ULK4: variants seen among roughly 807,000 people sequenced by gnomAD.
The protein encoded by ULK4 is inactive serine/threonine-protein kinase ULK4.
In ULK4, 133 loss-of-function variants were observed where a neutral mutation model predicts 160.6. That is an observed-to-expected ratio of 0.83 (90% confidence interval 0.72 to 0.96). The LOEUF (loss-of-function observed/expected upper bound fraction) is 0.96. Among genes scored for constraint, ULK4 ranks in the 40% least tolerant of loss-of-function variants. ULK4 has a pLI of 0.00. For missense variants in ULK4, 1,580 were observed against 1,499.5 expected, an observed-to-expected ratio of 1.05 and a Z score of -0.89; for synonymous variants, 534 against 539.8, an observed-to-expected ratio of 0.99 and a Z score of 0.15.
intron 35 of ULK4, among the ~76,000 whole-genome samples, chr3:41,333,568 T>G (rs1022389624): frequency 6.6e-6 from 1 of 152,170 alleles, no homozygotes; most frequent in South Asian, 2.1e-4. Context: ...ATCTTGCACA[T>G]CTTACCTAAG....
intron 19 of ULK4, among the ~76,000 whole-genome samples, chr3:41,808,236 T>C (rs2040711675): frequency 6.6e-6 from 1 of 152,316 alleles, no homozygotes. Flanking sequence ...TCTAAAATCT[T>C]TTTCCTGACT....
At position 41,918,481 on chromosome 3, in the gene ULK4, C is replaced by A. The variant is rs1450102800; in HGVS notation, c.703G>T (p.Asp235Tyr). ...CCTTTCGGAATAGGTGGCAAAGGATCTTCACATAAGATCTTTTCAGTTAAT... is the reference window on the plus strand; with the variant it reads ...CCTTTCGGAATAGGTGGCAAAGGATATTCACATAAGATCTTTTCAGTTAAT... Reference protein sequence around the residue: ...SELTEKILCEDPLPPIPKDSS... With the variant: ...SELTEKILCEYPLPPIPKDSS... The change falls in exon 7 of 37, where the codon GAT (aspartate) becomes TAT (tyrosine). Residue 235 changes from aspartate to tyrosine, a missense_variant. Asp to Tyr is a radical substitution (Grantham distance 160). Coordinates refer to ENST00000301831, the MANE Select transcript of ULK4 (RefSeq NM_017886.4). 7.0e-6 allele frequency: 11 copies of A among 1,581,224 alleles called. No individual in the cohort carries two copies. The highest frequency in any genetic ancestry group is 1.4e-5 in the African/African-American group (1 of 73,608).
At chr3:41,565,789 C>T (rs771160248) in intron 32 of ULK4, among the ~76,000 whole-genome samples, 8 of 152,106 alleles carry the variant, frequency 5.3e-5, no homozygotes, top group Non-Finnish European at 1.0e-4. Context: ...ATGATTACAC[C>T]TCTATTTCTT....
At chr3:41,590,461 C>CAAAAAAAAAAAAAAAAAAAAAA (rs71075479) in intron 31 of ULK4, among the ~76,000 whole-genome samples, 1 of 56,914 alleles carries the variant, frequency 1.8e-5, no homozygotes. Flanking sequence ...ACTAAAAATA[C>CAAAAAAAAAAAAAAAAAAAAAA]AAAAAAAAAA....
intron 29 of ULK4, among the ~76,000 whole-genome samples, chr3:41,680,980 T>C (rs1191185628): frequency 6.6e-6 from 1 of 152,252 alleles, no homozygotes; most frequent in Non-Finnish European, 1.5e-5. Context: ...TGCTGTGTGT[T>C]TGCTTTATGA....
At chr3:41,916,341 C>T (rs1698964162) in intron 7 of ULK4, among the ~76,000 whole-genome samples, 1 of 152,162 alleles carries the variant, frequency 6.6e-6, no homozygotes, top group Admixed American at 6.5e-5. Context: ...ACTGAACAAT[C>T]CCAATAAGGA....
At chr3:41,370,056 C>T (rs7615954) in intron 35 of ULK4, among the ~76,000 whole-genome samples, 5,510 of 151,970 alleles carry the variant, frequency 0.036, 273 homozygotes, top group East Asian at 0.19. Context: ...TGCTAAGCAA[C>T]GTCACAACGT....
chr3:41,747,371 A>G (rs2038454394), intron 22 of ULK4, among the ~76,000 whole-genome samples: 1 of 151,900 alleles, frequency 6.6e-6, no homozygotes, highest in African/African-American at 2.4e-5. Context: ...AGTCTCTGAT[A>G]ACTTCCTCGC....
chr3:41,469,727 A>G (rs1030061985), intron 32 of ULK4, among the ~76,000 whole-genome samples: 3 of 151,346 alleles, frequency 2.0e-5, no homozygotes, highest in Admixed American at 2.0e-4. Context: ...GATATATCCA[A>G]AAGAAACTAA....
At chr3:41,381,783 C>T (rs980376209) in intron 35 of ULK4, among the ~76,000 whole-genome samples, 37 of 152,280 alleles carry the variant, frequency 2.4e-4, no homozygotes, top group African/African-American at 8.9e-4. Context: ...TCAAAACCCT[C>T]CAAAGGCTTC....
chr3:41,514,946 T>C (rs2085701177), intron 32 of ULK4, among the ~76,000 whole-genome samples: 1 of 152,176 alleles, frequency 6.6e-6, no homozygotes, highest in Non-Finnish European at 1.5e-5. Context: ...TTACCTTTTC[T>C]ATGAGTCACT....
At chr3:41,777,187 T>A (rs1376538261) in intron 21 of ULK4, among the ~76,000 whole-genome samples, 2 of 91,788 alleles carry the variant, frequency 2.2e-5, no homozygotes, top group East Asian at 5.3e-4. Flanking sequence ...CCATTTCTTC[T>A]AGATTTTCTA....
At chr3:41,564,974 A>G (rs1208584851) in intron 32 of ULK4, among the ~76,000 whole-genome samples, 1 of 152,110 alleles carries the variant, frequency 6.6e-6, no homozygotes, top group African/African-American at 2.4e-5. Flanking sequence ...TGTTTGCCAC[A>G]CCTCTTCTAT....
At chr3:41,454,183 A>G (rs1289892724) in intron 34 of ULK4, among the ~76,000 whole-genome samples, 3 of 150,754 alleles carry the variant, frequency 2.0e-5, no homozygotes, top group Non-Finnish European at 4.4e-5. Flanking sequence ...TAATTAAAAA[A>G]AAAAAAAGAA....
intron 32 of ULK4, among the ~76,000 whole-genome samples, chr3:41,514,663 G>C (rs1340152267): frequency 6.6e-6 from 1 of 152,120 alleles, no homozygotes; most frequent in African/African-American, 2.4e-5. Context: ...TATCCTGAGT[G>C]AAACAAGCCA....
At chr3:41,848,591 C>T (rs189852013) in intron 17 of ULK4, among the ~76,000 whole-genome samples, 1 of 152,288 alleles carries the variant, frequency 6.6e-6, no homozygotes, top group East Asian at 1.9e-4. Flanking sequence ...AGAGCCACAA[C>T]CTAAGTTGCA....
intron 32 of ULK4, among the ~76,000 whole-genome samples, chr3:41,492,777 C>T (rs1356502175): frequency 1.3e-5 from 2 of 149,534 alleles, no homozygotes; most frequent in African/African-American, 4.9e-5. Flanking sequence ...GGGTTGCAAT[C>T]CTAGTCTCTG....
rs140780716 is a variant in ULK4, at chr3:41,497,648, C to T, written c.3227-34395G>A. Among the ~76,000 whole-genome samples, 1,325 of 152,180 alleles carry T rather than the reference C, an allele frequency of 8.7e-3. 72 individuals are homozygous for T. Among genetic ancestry groups the T allele is most frequent in the Admixed American group, 0.079 (1,200 of 15,276 alleles). On this transcript the variant is annotated intron_variant, in intron 32 of 36. Coordinates refer to ENST00000301831, the MANE Select transcript of ULK4 (RefSeq NM_017886.4). ...ATACTGTACCACAAATAAGGACATT[C>T]CATATTGATGATATAAGGGTCATCA...
intron 31 of ULK4, among the ~76,000 whole-genome samples, chr3:41,583,409 T>C (rs1309675938): frequency 1.3e-5 from 2 of 152,216 alleles, no homozygotes; most frequent in East Asian, 1.9e-4. Flanking sequence ...TAATAAGAGA[T>C]GGATCATCTA....
Sources: gnomAD v4.1 joint callset for allele counts (sites outside exome capture counted in the v4.1 genomes callset) on GRCh38, gnomAD v4.1.1 for gene constraint, MANE v1.5 for transcripts, NCBI Gene and HGNC (gene_info 2026-07-23, HGNC 2026-07-21) for gene names.